The following PRPF39 variants were observed in gnomAD, a reference collection of about 807,000 sequenced individuals.
PRPF39 encodes the protein pre-mRNA-processing factor 39.
A neutral mutation model predicts 82.1 loss-of-function variants in PRPF39; 27 were observed. The ratio of observed to expected loss-of-function variants is 0.33; its 90% CI spans 0.24 to 0.45. The LOEUF (loss-of-function observed/expected upper bound fraction) is 0.45. Among genes scored for constraint, PRPF39 ranks in the 20% least tolerant of loss-of-function variants. PRPF39 has a pLI of 1.00. For synonymous variants in PRPF39, 261 were observed against 256.4 expected, an observed-to-expected ratio of 1.02 and a Z score of -0.17; for missense variants, 581 against 796.9, an observed-to-expected ratio of 0.73 and a Z score of 3.26.
chr14:45,093,975 G>C (rs2139042075), intron 1 of PRPF39, among the ~76,000 whole-genome samples: 1 of 152,220 alleles, frequency 6.6e-6, no homozygotes, highest in Admixed American at 6.5e-5. Context: ...ATGTACAGTT[G>C]CTATTTGGTA....
Position 45,114,984 on chromosome 14 carries a change from T to A in PRPF39, c.*71T>A. 8.2e-7 allele frequency: 1 copy of A among 1,220,334 alleles called. No homozygotes were observed. The highest frequency in any genetic ancestry group is 1.2e-6 in the Non-Finnish European group (1 of 830,702). 75.6% of individuals were successfully genotyped at this position (1,220,334 alleles called of 1,614,324 possible). On this transcript the variant is annotated 3_prime_UTR_variant, in exon 14 of 14. Coordinates refer to ENST00000355765, the MANE Select transcript of PRPF39 (RefSeq NM_017922.4). The stretch of plus-strand genomic sequence containing the variant: ...TTATTATTTTTTTTAATGAGGGATG[T>A]AAACAGTATAAGCTTGTTGTATTTG...
chr14:45,096,862 G>A, intron 3 of PRPF39, 25 bp from the exon 4 acceptor site: 1 of 1,539,514 alleles, frequency 6.5e-7, no homozygotes, highest in Admixed American at 2.1e-5. Flanking sequence ...AATATTTGAA[G>A]TACAGTTTGC....
intron 1 of PRPF39, among the ~76,000 whole-genome samples, chr14:45,092,469 T>C (rs1402378473): frequency 6.6e-6 from 1 of 151,790 alleles, no homozygotes; most frequent in Non-Finnish European, 1.5e-5. Flanking sequence ...GGCATGGTGG[T>C]GCGTGCCTGT....
chr14:45,110,554 A>G lies in PRPF39; in HGVS notation c.1309A>G (p.Ile437Val), dbSNP rs1423174398. The change falls in exon 10 of 14, where the codon ATT becomes GTT. Residue 437 changes from isoleucine to valine, a missense_variant. Coordinates refer to ENST00000355765, the MANE Select transcript of PRPF39 (RefSeq NM_017922.4). This position sits in a 1 kb window ranked among gnomAD's most constrained non-coding sequence, Gnocchi z 4.0. ...CATTTAATTACTGTTTCTAGGTAAT[A>G]TTAATGAAGCCAGGAATATCTTGAA... is the stretch of plus-strand genomic sequence containing the variant. Reference protein sequence around the residue: ...WAAFEEQQGNINEARNILKTF... With the variant: ...WAAFEEQQGNVNEARNILKTF... 1 of 1,557,516 alleles carries G rather than the reference A, an allele frequency of 6.4e-7. No homozygotes were observed. The highest frequency in any genetic ancestry group is 1.4e-5 in the African/African-American group (1 of 73,600).
Position 45,110,713 on chromosome 14 carries a change from G to A in PRPF39, c.1468G>A (p.Glu490Lys). Residue 490 changes from glutamate (E) to lysine (K), a missense_variant, in exon 10 of 14, where the codon GAA (glutamate) becomes AAA (lysine). Physicochemically the swap from Glu to Lys is moderately conservative, Grantham distance 56. Transcript: ENST00000355765. The surrounding 1 kb of genome is among the most constrained non-coding windows in gnomAD (Gnocchi z 4.0). The part of the protein sequence containing the change: ...DAIKNAKSNN[E>K]SSFYAVKLAR... ...CATTAAGAATGCCAAATCAAATAAT[G>A]AATCTTCATTTTATGCTGTCAAACT... 6.4e-7 allele frequency: 1 copy of A among 1,566,194 alleles called. No individual in the cohort carries two copies. Among genetic ancestry groups the A allele is most frequent in the Non-Finnish European group, 8.7e-7 (1 of 1,154,304 alleles).
chr14:45,106,517 A>C (rs1190058958), intron 5 of PRPF39, among the ~76,000 whole-genome samples: 1 of 152,198 alleles, frequency 6.6e-6, no homozygotes, highest in Non-Finnish European at 1.5e-5. Context: ...TTGTATGTAT[A>C]CAAATTATTG....
At chr14:45,108,019 C>A (rs1384936023) in intron 6 of PRPF39, among the ~76,000 whole-genome samples, 1 of 152,012 alleles carries the variant, frequency 6.6e-6, no homozygotes, top group Non-Finnish European at 1.5e-5. Context: ...TATAACTGGC[C>A]ATTTACCCAG....
In PRPF39 at chr14:45,107,694, CA is replaced by C. The variant is rs1163735395; in HGVS notation, c.903+80del. 8 of 1,413,434 alleles carry C rather than the reference CA, an allele frequency of 5.7e-6. No individual in the cohort carries two copies. In the African/African-American group the frequency reaches 1.2e-4, roughly 20 times the overall value. The allele number at this position is 1,413,434 out of a possible 1,614,324, so 87.6% of individuals were successfully genotyped here. A position where few individuals can be genotyped will look rare whatever the true frequency, so the allele number is the denominator to read the frequency against. ...CTGTAATCGCAGCACTTTGGGAGGC[CA>C]AGGTAGGCGGGTCACCTGAGGTCCG... is the stretch of plus-strand genomic sequence containing the variant. On this transcript the variant is annotated intron_variant, in intron 6 of 13. Coordinates refer to ENST00000355765, the MANE Select transcript of PRPF39 (RefSeq NM_017922.4).
rs1290086156 is a variant in PRPF39 at position 45,109,648 on chromosome 14, G to A, written c.1044G>A (p.Leu348=). The A allele has an allele frequency of 2.5e-6, 4 of 1,606,698 alleles. No homozygotes were observed. Among genetic ancestry groups the A allele is most frequent in the East Asian group, 2.2e-5 (1 of 44,772 alleles). ...IKRPYFHVKP[L]EKAQLKNWKE... ...GACCTTACTTTCATGTGAAACCTTT[G>A]GAAAAGGCACAACTAAAAAACTGGA... The change falls in exon 8 of 14, where the codon TTG becomes TTA. Residue 348 remains leucine, a synonymous_variant. Coordinates refer to ENST00000355765, the MANE Select transcript of PRPF39 (RefSeq NM_017922.4).
intron 4 of PRPF39, among the ~76,000 whole-genome samples, chr14:45,098,461 A>AG (rs1159065003): frequency 1.5e-4 from 23 of 151,092 alleles, no homozygotes; most frequent in African/African-American, 5.1e-4. Context: ...AAAAAAAAAA[A>AG]AGAGAGAGAG....
intron 12 of PRPF39, 111 bp downstream of exon 12, chr14:45,114,368 A>G: frequency 2.2e-6 from 3 of 1,340,168 alleles, no homozygotes; most frequent in Non-Finnish European, 3.0e-6. Context: ...CTTTATTTTC[A>G]TGATTTGAAA....
chr14:45,088,817 A>C (rs1883926036), intron 1 of PRPF39, among the ~76,000 whole-genome samples: 1 of 152,232 alleles, frequency 6.6e-6, no homozygotes. Context: ...ACAGTAGTTG[A>C]ATTACACATG....
intron 1 of PRPF39, among the ~76,000 whole-genome samples, chr14:45,087,722 C>T (rs529780276): frequency 2.3e-4 from 34 of 150,878 alleles, no homozygotes; most frequent in Admixed American, 1.1e-3. Flanking sequence ...TACAGGCGCC[C>T]GTCACCATGC....
chr14:45,100,708 C>A (rs1176301966), intron 4 of PRPF39, among the ~76,000 whole-genome samples: 1 of 152,170 alleles, frequency 6.6e-6, no homozygotes, highest in East Asian at 1.9e-4. Flanking sequence ...CACAGACACA[C>A]ATGCTCTTCA....
chr14:45,103,887 CTT>C (rs999794239), intron 5 of PRPF39, among the ~76,000 whole-genome samples: 1 of 152,082 alleles, frequency 6.6e-6, no homozygotes, highest in African/African-American at 2.4e-5. Context: ...ACTACAAGAA[CTT>C]TACTGATGAT....
intron 13 of PRPF39, 57 bp downstream of exon 13, chr14:45,114,671 T>C (rs752862115): frequency 5.2e-6 from 8 of 1,552,870 alleles, no homozygotes; most frequent in Non-Finnish European, 6.9e-6. Context: ...TAAATTAGGA[T>C]AGTTTCTTTT....
intron 7 of PRPF39, 100 bp from the exon 8 acceptor site, chr14:45,109,516 A>G: frequency 2.1e-6 from 2 of 949,114 alleles, no homozygotes; most frequent in Middle Eastern, 3.7e-4. Flanking sequence ...AAAAATTTTA[A>G]TCATCAATTA....
rs1415196119 is a variant in PRPF39, at chr14:45,107,515, T to C, written c.802T>C (p.Leu268=). The change falls in exon 6 of 14, where the codon TTG becomes CTG. Residue 268 remains leucine, a synonymous_variant. Transcript: ENST00000355765. ...TTTAACTGGTGAACAGTTTATTCAG[T>C]TGCGAAGGGAATTAGCTTCTGTAAA... is the stretch of plus-strand genomic sequence containing the variant. ...DLLTGEQFIQ[L]RRELASVNGH... 2 of 1,563,366 alleles carry C rather than the reference T, an allele frequency of 1.3e-6. No homozygotes were observed. Among genetic ancestry groups the C allele is most frequent in the Non-Finnish European group, 1.7e-6 (2 of 1,151,448 alleles).
intron 4 of PRPF39, among the ~76,000 whole-genome samples, chr14:45,101,882 T>C (rs57602646): frequency 0.099 from 14,927 of 150,524 alleles, 967 homozygotes; most frequent in African/African-American, 0.18. Context: ...TCTTGGCTCA[T>C]TGCAACCTCC....
Sources: allele counts gnomAD v4.1 joint callset (sites outside exome capture counted in the v4.1 genomes callset), GRCh38; gene constraint gnomAD v4.1.1; non-coding constraint Gnocchi (gnomAD v3.1); transcripts MANE v1.5; gene names NCBI Gene and HGNC (gene_info 2026-07-23, HGNC 2026-07-21).